ZNF280D: variants seen among roughly 807,000 people sequenced by gnomAD.
The protein encoded by ZNF280D is suppressor of hairy wing homolog 4.
A neutral mutation model predicts 94.7 loss-of-function variants in ZNF280D; 39 were observed. The ratio of observed to expected loss-of-function variants is 0.41; its 90% confidence interval spans 0.32 to 0.54. The LOEUF (loss-of-function observed/expected upper bound fraction) is 0.54, where lower values mean the gene tolerates loss of function less well. Ranked by LOEUF, ZNF280D falls within the 20% of genes least tolerant of loss-of-function variation. ZNF280D has a pLI of 0.22. For missense variants in ZNF280D, 1,090 were observed against 1,149.3 expected, an observed-to-expected ratio of 0.95 and a Z score of 0.75; for synonymous variants, 398 against 377.6, an observed-to-expected ratio of 1.05 and a Z score of -0.63.
chr15:56,703,023 A>G (rs374190812), intron 4 of ZNF280D, among the ~76,000 whole-genome samples: 20 of 152,060 alleles, frequency 1.3e-4, no homozygotes, highest in African/African-American at 4.6e-4. Flanking sequence ...AAACAAGTAA[A>G]TGAAATGGAA....
chr15:56,658,416 CTAGT>C lies in ZNF280D; in HGVS notation c.2057+4_2057+7del. The C allele has an allele frequency of 6.3e-7, 1 of 1,581,050 alleles. No individual in the cohort carries two copies. Among genetic ancestry groups the C allele is most frequent in the South Asian group, 1.2e-5 (1 of 83,720 alleles). On this transcript the variant is annotated splice_donor_5th_base_variant and intron_variant, in intron 17 of 21. Transcript: ENST00000267807. The stretch of plus-strand genomic sequence containing the variant: ...AATAGAAAGAGTAAAAAAAGATCAA[CTAGT>C]TACCGGAGATTTTCTGAATGCTTCT...
chr15:56,666,659 T>C lies in ZNF280D; in HGVS notation c.1853+20A>G, dbSNP rs1486893465. 3 of 1,563,588 alleles carry C rather than the reference T, an allele frequency of 1.9e-6. No homozygotes were observed. Among genetic ancestry groups the C allele is most frequent in the Admixed American group, 4.0e-5 (2 of 50,002 alleles). ...ATACTTAAGTTTAAATTATATTGTA[T>C]ATCAGGAATAAAAGATTACCTTAAA... On this transcript the variant is annotated intron_variant, in intron 15 of 21. Coordinates refer to ENST00000267807, the MANE Select transcript of ZNF280D (RefSeq NM_017661.4).
Position 56,631,605 on chromosome 15 carries a change from TG to T in ZNF280D, c.2832del (p.Lys945ArgfsTer5), listed in dbSNP as rs2052078107. ...TGATCAGACACTACTTCATCAGTCTTGGCTGAAGGATCACCACTACCTTTCT... is the reference window on the plus strand; with the variant it reads ...TGATCAGACACTACTTCATCAGTCTTGCTGAAGGATCACCACTACCTTTCT... ...ILQKGSGDPS[A>X]KTDEVVSDQT... On this transcript the variant is annotated frameshift_variant, in exon 22 of 22. Coordinates refer to ENST00000267807, the MANE Select transcript of ZNF280D (RefSeq NM_017661.4). LOFTEE classifies it low-confidence loss of function (END_TRUNC). The T allele has an allele frequency of 6.2e-7, 1 of 1,614,044 alleles. No individual in the cohort carries two copies. The highest frequency in any genetic ancestry group is 8.5e-7 in the Non-Finnish European group (1 of 1,180,032).
intron 10 of ZNF280D, 86 bp downstream of exon 10, chr15:56,682,168 G>T: frequency 1.1e-6 from 1 of 948,116 alleles, no homozygotes; most frequent in Non-Finnish European, 1.6e-6. Context: ...TACCTAGAAT[G>T]GCATAGAAAA....
chr15:56,678,880 A>C, intron 10 of ZNF280D, 59 bp from the exon 11 acceptor site: 30 of 1,407,012 alleles, frequency 2.1e-5, no homozygotes, highest in Non-Finnish European at 2.7e-5. Context: ...AGGAAATCTC[A>C]CAAACAAGAA....
chr15:56,661,352 T>C (rs2053932454), intron 16 of ZNF280D, among the ~76,000 whole-genome samples: 1 of 152,154 alleles, frequency 6.6e-6, no homozygotes. Context: ...AGGAAAGGAT[T>C]TTAGGCCAAA....
intron 20 of ZNF280D, among the ~76,000 whole-genome samples, chr15:56,638,963 C>T (rs1206474766): frequency 1.3e-5 from 2 of 151,464 alleles, no homozygotes; most frequent in African/African-American, 4.9e-5. Context: ...AAAAGACATA[C>T]CTTAACATGA....
chr15:56,683,397 C>A (rs760920981), intron 9 of ZNF280D, among the ~76,000 whole-genome samples: 16 of 152,110 alleles, frequency 1.1e-4, no homozygotes, highest in Admixed American at 4.6e-4. Flanking sequence ...TACGGAGGGG[C>A]ATAGCTGAGC....
At chr15:56,719,070 C>G in intron 1 of ZNF280D, among the ~76,000 whole-genome samples, 1 of 152,152 alleles carries the variant, frequency 6.6e-6, no homozygotes. Flanking sequence ...AAACTGTTCC[C>G]TAACAGCAGA....
In ZNF280D at chr15:56,666,790, T is replaced by C. The variant is rs2054320970; in HGVS notation, c.1742A>G (p.Asn581Ser). The change falls in exon 15 of 22, where the codon AAT (asparagine) becomes AGT (serine). Residue 581 changes from asparagine to serine, a missense_variant. By Grantham distance (46) the Asn-to-Ser change is conservative. This residue lies in a region of ZNF280D where 577 missense variants were observed against 568.8 expected (regional missense o/e 1.01). Coordinates refer to ENST00000267807, the MANE Select transcript of ZNF280D (RefSeq NM_017661.4). ...NASKPNTSKP[N>S]GSKSKYKPKI... ...TGGTTTGTATTTAGATTTACTTCCA[T>C]TAGGCTTACTTGTATTAGGTTTACT... 1.2e-6 allele frequency: 2 copies of C among 1,613,748 alleles called. No individual in the cohort carries two copies. The highest frequency in any genetic ancestry group is 2.7e-5 in the African/African-American group (2 of 74,912).
intron 1 of ZNF280D, among the ~76,000 whole-genome samples, chr15:56,726,998 C>A (rs1443803697): frequency 2.0e-5 from 3 of 152,014 alleles, no homozygotes; most frequent in Non-Finnish European, 2.9e-5. Flanking sequence ...ACTATTTTAA[C>A]CCCCCCAAAA....
At chr15:56,652,642 C>T (rs1380525395) in intron 19 of ZNF280D, 1 of 985,080 alleles carries the variant, frequency 1.0e-6, no homozygotes, top group East Asian at 1.1e-4. Flanking sequence ...TAACATGTTA[C>T]CTTTACCCAA....
chr15:56,730,754 A>C (rs953097160), intron 1 of ZNF280D: 6 of 152,250 alleles, frequency 3.9e-5, no homozygotes, highest in Admixed American at 2.6e-4. Context: ...TTTCCTCCAG[A>C]ATTGTCTCCA....
At chr15:56,655,623 C>G (rs1257763449) in intron 17 of ZNF280D, among the ~76,000 whole-genome samples, 4 of 152,214 alleles carry the variant, frequency 2.6e-5, no homozygotes, top group Admixed American at 2.6e-4. Flanking sequence ...TTTGTCCTCA[C>G]TGGATCTAAC....
intron 1 of ZNF280D, 52 bp downstream of exon 1, chr15:56,733,406 A>G (rs2059004268): frequency 1.0e-6 from 1 of 970,876 alleles, no homozygotes; most frequent in Non-Finnish European, 1.2e-6. Flanking sequence ...GCCGCGCGGG[A>G]GGGCCTCTGC....
intron 11 of ZNF280D, 73 bp from the exon 12 acceptor site, chr15:56,677,747 C>T: frequency 5.8e-6 from 3 of 514,306 alleles, no homozygotes; most frequent in South Asian, 4.6e-5. Context: ...ACATCTATAT[C>T]AACAACAATA....
chr15:56,711,768 A>T (rs1400180550), intron 1 of ZNF280D, among the ~76,000 whole-genome samples: 1 of 152,226 alleles, frequency 6.6e-6, no homozygotes, highest in African/African-American at 2.4e-5. Context: ...TGCATCACTT[A>T]ACAACAGGGA....
rs3736139 is a variant in ZNF280D, at chr15:56,666,591, G to T, written c.1854-56C>A. 240 of 1,524,450 alleles carry T rather than the reference G, an allele frequency of 1.6e-4. 2 individuals carry two copies. In the East Asian group the frequency reaches 5.9e-3, roughly 38 times the overall value. 94.4% of individuals were successfully genotyped at this position (1,524,450 alleles called of 1,614,324 possible). On this transcript the variant is annotated intron_variant, in intron 15 of 21. Transcript: ENST00000267807. Reference sequence around the variant, plus strand: ...TATATTTTAAAACAAAAATAATAAGGAAGAGCCTTAATAATGTTCTCTTAA... The same window carrying T: ...TATATTTTAAAACAAAAATAATAAGTAAGAGCCTTAATAATGTTCTCTTAA...
chr15:56,684,709 G>A (rs1022731180), intron 9 of ZNF280D, among the ~76,000 whole-genome samples: 1 of 151,662 alleles, frequency 6.6e-6, no homozygotes, highest in African/African-American at 2.4e-5. Context: ...ATATTAGTAG[G>A]AGAAAAGTCC....
Sources: allele counts gnomAD v4.1 joint callset (sites outside exome capture counted in the v4.1 genomes callset), GRCh38; gene constraint gnomAD v4.1.1; regional missense constraint gnomAD v4.1.1; transcripts MANE v1.5; gene names NCBI Gene and HGNC (gene_info 2026-07-23, HGNC 2026-07-21).